GABBR2: variants seen among roughly 807,000 people sequenced by gnomAD.
The protein encoded by GABBR2 is gamma-aminobutyric acid type B receptor subunit 2.
A neutral mutation model predicts 105.6 loss-of-function variants in GABBR2; 23 were observed. The ratio of observed to expected loss-of-function variants is 0.22; its 90% CI spans 0.16 to 0.31. The LOEUF (loss-of-function observed/expected upper bound fraction) is 0.31, where lower values mean the gene tolerates loss of function less well. GABBR2 is among the 10% of genes least tolerant of loss of function. The pLI, the probability that GABBR2 is intolerant of heterozygous loss-of-function variation, is 1.00. For synonymous variants in GABBR2, 478 were observed against 499.7 expected (o/e 0.96, Z 0.58); for missense variants, 734 against 1,245.5 (o/e 0.59, Z 6.18).
rs779040753 is a variant in GABBR2, at chr9:98,290,564, C to T, written c.*20G>A. 1.0e-4 allele frequency: 140 copies of T among 1,355,504 alleles called. No individual in the cohort carries two copies. The highest frequency in any genetic ancestry group is 1.6e-4 in the South Asian group (7 of 43,890). The allele number at this position is 1,355,504 out of a possible 1,614,324, so 84.0% of individuals were successfully genotyped here. On this transcript the variant is annotated 3_prime_UTR_variant, in exon 19 of 19. Coordinates refer to ENST00000259455, the MANE Select transcript of GABBR2 (RefSeq NM_005458.8). The stretch of plus-strand genomic sequence containing the variant: ...TGTGGTTCTGTCACGGGGGAGGCCC[C>T]GGGCCCAGGCCTCCCACCCTTACAG...
Position 98,319,844 on chromosome 9 carries a change from C to T in GABBR2, c.1894-8639G>A, listed in dbSNP as rs565646670. ...TGCCTCTTGTGGAAAGGGCCTGCTC[C>T]TCCTCACCTTCAGGAAGTTCTACTA... On this transcript the variant is annotated intron_variant, in intron 13 of 18. Coordinates refer to ENST00000259455, the MANE Select transcript of GABBR2 (RefSeq NM_005458.8). Among the ~76,000 whole-genome samples, 3 of 152,268 alleles carry T rather than the reference C, an allele frequency of 2.0e-5. No individual in the cohort carries two copies. In the South Asian group the frequency reaches 6.2e-4, roughly 32 times the overall value.
Position 98,628,500 on chromosome 9 carries a change from G to A in GABBR2, c.322-50428C>T, listed in dbSNP as rs149555200. Among the ~76,000 whole-genome samples, 4 of 152,140 alleles carry A rather than the reference G, an allele frequency of 2.6e-5. No individual in the cohort carries two copies. In the South Asian group the frequency reaches 8.3e-4, roughly 32 times the overall value. Reference sequence around the variant, plus strand: ...ATTTGGCTGCAAAACACTTGAGCTTGCTGTGAAATTGCCCATTTTAGATGG... The same window carrying A: ...ATTTGGCTGCAAAACACTTGAGCTTACTGTGAAATTGCCCATTTTAGATGG... On this transcript the variant is annotated intron_variant, in intron 1 of 18. Coordinates refer to ENST00000259455, the MANE Select transcript of GABBR2 (RefSeq NM_005458.8).
At chr9:98,551,114 C>G (rs1334038364) in intron 2 of GABBR2, among the ~76,000 whole-genome samples, 1 of 152,148 alleles carries the variant, frequency 6.6e-6, no homozygotes, top group Non-Finnish European at 1.5e-5. Context: ...TTAATACTTT[C>G]AGACAGGGCT....
At chr9:98,436,288 T>TATATATATATATATCCATAA (rs1554705743) in intron 7 of GABBR2, among the ~76,000 whole-genome samples, 19 of 109,136 alleles carry the variant, frequency 1.7e-4, no homozygotes, top group Admixed American at 5.1e-4. Context: ...ACCATATATA[T>TATATATATATATATCCATAA]ATATATATAT....
At chr9:98,701,867 C>G (rs1475773343) in intron 1 of GABBR2, among the ~76,000 whole-genome samples, 1 of 152,140 alleles carries the variant, frequency 6.6e-6, no homozygotes. Flanking sequence ...ACCCATTAGA[C>G]TTATTCCTTA....
At chr9:98,350,458 G>C (rs1440372246) in intron 13 of GABBR2, among the ~76,000 whole-genome samples, 1 of 152,046 alleles carries the variant, frequency 6.6e-6, no homozygotes, top group South Asian at 2.1e-4. Context: ...TTTGTTTTAA[G>C]AAATATTCAA....
chr9:98,367,938 T>C (rs1831710630), intron 12 of GABBR2, among the ~76,000 whole-genome samples: 1 of 152,218 alleles, frequency 6.6e-6, no homozygotes, highest in Admixed American at 6.5e-5. Context: ...GTTTTTATTG[T>C]GGTAAAATGC....
At chr9:98,361,487 A>G (rs1831581955) in intron 13 of GABBR2, among the ~76,000 whole-genome samples, 1 of 152,152 alleles carries the variant, frequency 6.6e-6, no homozygotes, top group African/African-American at 2.4e-5. Flanking sequence ...GGATTTCTAA[A>G]TTCTGGTGCT....
chr9:98,601,620 G>A (rs1263777868), intron 1 of GABBR2, among the ~76,000 whole-genome samples: 1 of 152,212 alleles, frequency 6.6e-6, no homozygotes, highest in Non-Finnish European at 1.5e-5. Flanking sequence ...AAGGAAGGAG[G>A]AGGAGGGAAG....
intron 2 of GABBR2, among the ~76,000 whole-genome samples, chr9:98,555,047 T>C (rs1028775731): frequency 5.3e-5 from 8 of 152,208 alleles, no homozygotes; most frequent in African/African-American, 1.9e-4. Context: ...GACAGGCACA[T>C]TCCCATTTCA....
intron 4 of GABBR2, among the ~76,000 whole-genome samples, chr9:98,482,625 A>G (rs1390829971): frequency 2.0e-5 from 3 of 152,284 alleles, no homozygotes; most frequent in Admixed American, 1.3e-4. Context: ...TAAACATGGT[A>G]TGGTAAAAAC....
intron 1 of GABBR2, among the ~76,000 whole-genome samples, chr9:98,698,505 T>TCC (rs34068263): frequency 6.9e-6 from 1 of 145,880 alleles, no homozygotes; most frequent in African/African-American, 2.7e-5. Context: ...GCACAATTCT[T>TCC]TTTTTTTTTT....
At chr9:98,406,029 T>C (rs1369996274) in intron 8 of GABBR2, 52 bp downstream of exon 8, 10 of 994,860 alleles carry the variant, frequency 1.0e-5, no homozygotes, top group Non-Finnish European at 1.3e-5. Flanking sequence ...TAAAACAACA[T>C]TCCTGAATCT....
At chr9:98,686,039 G>A (rs951965667) in intron 1 of GABBR2, among the ~76,000 whole-genome samples, 10 of 152,106 alleles carry the variant, frequency 6.6e-5, no homozygotes, top group African/African-American at 2.4e-4. Context: ...ACTAGGCCTT[G>A]ACCTTTGGGC....
intron 9 of GABBR2, among the ~76,000 whole-genome samples, chr9:98,393,710 G>C (rs1832236248): frequency 6.6e-6 from 1 of 152,240 alleles, no homozygotes; most frequent in African/African-American, 2.4e-5. Flanking sequence ...AGAGAAGGGA[G>C]TCATTAGCTC....
intron 7 of GABBR2, among the ~76,000 whole-genome samples, chr9:98,433,889 A>G (rs973642558): frequency 6.6e-6 from 1 of 152,046 alleles, no homozygotes; most frequent in African/African-American, 2.4e-5. Flanking sequence ...CAGAGGGACA[A>G]TGTTCACAGG....
intron 1 of GABBR2, among the ~76,000 whole-genome samples, chr9:98,675,373 C>T (rs1293013123): frequency 6.6e-6 from 1 of 152,072 alleles, no homozygotes; most frequent in Non-Finnish European, 1.5e-5. Flanking sequence ...TGGGCCAGTT[C>T]CATGAGCAGT....
intron 7 of GABBR2, among the ~76,000 whole-genome samples, chr9:98,441,630 G>A (rs1170855660): frequency 5.3e-5 from 8 of 152,216 alleles, no homozygotes; most frequent in Non-Finnish European, 1.0e-4. Context: ...GCCTCCCAAA[G>A]TGCTGGGATT....
chr9:98,541,875 C>T lies in GABBR2; in HGVS notation c.628G>A (p.Glu210Lys). 1 of 1,614,076 alleles carries T rather than the reference C, an allele frequency of 6.2e-7. No individual in the cohort carries two copies. The highest frequency in any genetic ancestry group is 8.5e-7 in the Non-Finnish European group (1 of 1,179,964). The change falls in exon 3 of 19, where the codon GAG becomes AAG. Residue 210 changes from glutamate (E) to lysine (K), a missense_variant and splice_region_variant. Glu to Lys is a moderately conservative substitution (Grantham distance 56). Around this residue, in one of 7 missense-constraint regions of GABBR2, gnomAD observed 370 missense variants for 648.9 expected, o/e 0.57. Coordinates refer to ENST00000259455, the MANE Select transcript of GABBR2 (RefSeq NM_005458.8). ...GTGTCCACACAAGCCGAGCGTACCTCAGAGAACCTCTGAACGTCTTGCGTC... is the reference window on the plus strand; with the variant it reads ...GTGTCCACACAAGCCGAGCGTACCTTAGAGAACCTCTGAACGTCTTGCGTC... ...TLTQDVQRFS[E>K]VRNDLTGVLY...
Sources: allele counts gnomAD v4.1 joint callset (sites outside exome capture counted in the v4.1 genomes callset), GRCh38; gene constraint gnomAD v4.1.1; regional missense constraint gnomAD v4.1.1; transcripts MANE v1.5; gene names NCBI Gene and HGNC (gene_info 2026-07-23, HGNC 2026-07-21).